The following PCDH11X variants were observed in gnomAD, a reference collection of about 807,000 sequenced individuals.
PCDH11X encodes protocadherin-11 X-linked.
A neutral mutation model predicts 53.3 loss-of-function variants in PCDH11X; 18 were observed. The ratio of observed to expected loss-of-function variants is 0.34; its 90% CI spans 0.23 to 0.50. The LOEUF is 0.50. Among genes scored for constraint, PCDH11X ranks in the 20% least tolerant of loss-of-function variants. The pLI is 0.98. For missense variants in PCDH11X, 570 were observed against 1,032.4 expected (o/e 0.55, Z 6.14); for synonymous variants, 279 against 393.3 (o/e 0.71, Z 3.44).
At chrX:91,965,058 T>C (rs2061845875) in intron 6 of PCDH11X, among the ~76,000 whole-genome samples, 3 of 110,834 alleles carry the variant, frequency 2.7e-5, no homozygotes. Flanking sequence ...AAGTATTTTC[T>C]TTACTTTTGC....
chrX:91,827,284 T>A lies in PCDH11X; in HGVS notation c.-44-8177T>A, dbSNP rs781762251. Among the ~76,000 whole-genome samples the A allele has an allele frequency of 1.7e-4, 19 of 111,661 alleles. No individual in the cohort carries two copies. The East Asian group carries it at 4.5e-3, about 27-fold the overall frequency. ...TTCTTTTGAAAAGTGTCTCCTCATG[T>A]CCTTTGCCTACTTGTTCATGGGGTT... On this transcript the variant is annotated intron_variant, in intron 4 of 10. Transcript: ENST00000682573.
At chrX:91,962,254 C>T (rs1483599983) in intron 6 of PCDH11X, among the ~76,000 whole-genome samples, 1 of 111,206 alleles carries the variant, frequency 9.0e-6, no homozygotes, top group Non-Finnish European at 1.9e-5. Flanking sequence ...AAATCAAAAG[C>T]AAGTTAGTTA....
At position 91,861,116 on chromosome X, in the gene PCDH11X, T is replaced by A. The variant is rs901235418; in HGVS notation, c.541-15665T>A. 1.4e-4 allele frequency among the ~76,000 whole-genome samples: 16 copies of A among 111,454 alleles called. 1 individual carries two copies. Among genetic ancestry groups the A allele is most frequent in the African/African-American group, 5.2e-4 (16 of 30,671 alleles). On this transcript the variant is annotated intron_variant, in intron 5 of 10. Transcript: ENST00000682573. ...TAAATCCATCTGGTCCTGGGCTTTG[T>A]TTTTTTGGTAAGCTATTTATTACTC...
At chrX:91,968,718 A>G (rs2061901803) in intron 6 of PCDH11X, among the ~76,000 whole-genome samples, 2 of 111,592 alleles carry the variant, frequency 1.8e-5, no homozygotes, top group South Asian at 7.5e-4. Context: ...ACTCCAGAAG[A>G]ACTTATCAAT....
intron 10 of PCDH11X, among the ~76,000 whole-genome samples, chrX:92,530,880 A>G (rs1325320508): frequency 5.3e-5 from 5 of 94,891 alleles, no homozygotes; most frequent in Admixed American, 1.2e-4. Flanking sequence ...CTTAAACTAT[A>G]TTGGTGGCCA....
chrX:91,788,024 A>G (rs1468310549), intron 1 of PCDH11X, among the ~76,000 whole-genome samples: 1 of 111,651 alleles, frequency 9.0e-6, no homozygotes, highest in Non-Finnish European at 1.9e-5. Flanking sequence ...AGGCTCAGGG[A>G]TGAGATATGA....
intron 6 of PCDH11X, among the ~76,000 whole-genome samples, chrX:92,170,659 G>A (rs1239046972): frequency 1.8e-5 from 2 of 109,408 alleles, no homozygotes; most frequent in Admixed American, 2.0e-4. Context: ...GTGCAGTGGT[G>A]CAATCACAGC....
chrX:92,260,998 T>C (rs902617442), intron 7 of PCDH11X, among the ~76,000 whole-genome samples: 7 of 111,727 alleles, frequency 6.3e-5, no homozygotes, highest in African/African-American at 1.3e-4. Flanking sequence ...AGTTTATAAA[T>C]AAGAGTATAA....
intron 6 of PCDH11X, among the ~76,000 whole-genome samples, chrX:91,888,143 A>G (rs1280671102): frequency 3.6e-5 from 4 of 111,946 alleles, no homozygotes; most frequent in African/African-American, 1.3e-4. Flanking sequence ...TCCAATTAAT[A>G]ATAAAACTTT....
At position 92,353,169 on chromosome X, in the gene PCDH11X, T is replaced by A. The variant is rs761655280; in HGVS notation, c.3145-34566T>A. Reference sequence around the variant, plus strand: ...ACATTTATTTCACCCACGTAACTCATTATTCTCATTTGTCATGAAATATTT... The same window carrying A: ...ACATTTATTTCACCCACGTAACTCAATATTCTCATTTGTCATGAAATATTT... On this transcript the variant is annotated intron_variant, in intron 8 of 10. Transcript: ENST00000682573. Among the ~76,000 whole-genome samples the A allele has an allele frequency of 6.3e-5, 7 of 111,934 alleles. No individual in the cohort carries two copies. In the East Asian group the frequency reaches 2.0e-3, roughly 32 times the overall value.
chrX:92,015,288 T>A (rs2062771550), intron 6 of PCDH11X, among the ~76,000 whole-genome samples: 1 of 111,408 alleles, frequency 9.0e-6, no homozygotes, highest in Admixed American at 9.6e-5. Context: ...GGCAATGGGG[T>A]ATGGCTAATG....
intron 8 of PCDH11X, among the ~76,000 whole-genome samples, chrX:92,350,292 T>C (rs2070013037): frequency 9.1e-6 from 1 of 109,624 alleles, no homozygotes; most frequent in Admixed American, 9.8e-5. Flanking sequence ...TCTTGGGGCA[T>C]GTTAAGGAAC....
intron 9 of PCDH11X, chrX:92,460,646 C>G: frequency 1.1e-6 from 1 of 891,849 alleles, no homozygotes; most frequent in South Asian, 2.1e-5. Context: ...GGTGGAGGCC[C>G]GCTACTCCCT....
At chrX:92,340,214 G>T (rs1022343318) in intron 8 of PCDH11X, among the ~76,000 whole-genome samples, 5 of 111,297 alleles carry the variant, frequency 4.5e-5, no homozygotes, top group African/African-American at 1.6e-4. Flanking sequence ...TGTCCCTGTG[G>T]CTTTCTGGTT....
intron 5 of PCDH11X, among the ~76,000 whole-genome samples, chrX:91,872,577 A>G (rs1332491817): frequency 2.7e-5 from 3 of 110,111 alleles, no homozygotes; most frequent in African/African-American, 9.9e-5. Flanking sequence ...TATTTAGTAT[A>G]TGAAGGCGTA....
At chrX:92,165,589 C>T (rs2065720016) in intron 6 of PCDH11X, among the ~76,000 whole-genome samples, 1 of 111,728 alleles carries the variant, frequency 9.0e-6, no homozygotes, top group African/African-American at 3.3e-5. Context: ...ATGACTGTAA[C>T]CATAATTATA....
intron 8 of PCDH11X, among the ~76,000 whole-genome samples, chrX:92,293,521 G>T (rs1479513133): frequency 1.9e-4 from 21 of 108,661 alleles, no homozygotes; most frequent in Non-Finnish European, 3.4e-4. Context: ...CTACTCGGGA[G>T]GCTGAGGCAG....
At chrX:91,996,941 T>TC (rs1383924530) in intron 6 of PCDH11X, among the ~76,000 whole-genome samples, 2 of 62,445 alleles carry the variant, frequency 3.2e-5, no homozygotes, top group African/African-American at 1.2e-4. Context: ...AGTTAGTGCC[T>TC]CTAACCCCCA....
intron 6 of PCDH11X, among the ~76,000 whole-genome samples, chrX:91,998,326 G>T (rs2525261): frequency 9.0e-6 from 1 of 111,728 alleles, no homozygotes; most frequent in African/African-American, 3.3e-5. Flanking sequence ...GTTGGTGAAT[G>T]ATTCTTCATA....
Sources: gnomAD v4.1 joint callset for allele counts (sites outside exome capture counted in the v4.1 genomes callset) on GRCh38, gnomAD v4.1.1 for gene constraint, MANE v1.5 for transcripts, NCBI Gene and HGNC (gene_info 2026-07-23, HGNC 2026-07-21) for gene names.